The following KCNH5 variants were observed in gnomAD, a reference collection of about 807,000 sequenced individuals.
The protein encoded by KCNH5 is potassium voltage-gated channel subfamily H member 5.
Under a neutral mutation model 96.1 loss-of-function variants are expected in KCNH5, and 46 were observed. The observed-to-expected ratio is 0.48, with a 90% CI of 0.38 to 0.61. The LOEUF (loss-of-function observed/expected upper bound fraction) is 0.61, where lower values mean the gene tolerates loss of function less well. KCNH5 is among the 20% of genes least tolerant of loss of function. The pLI, the probability that KCNH5 is intolerant of heterozygous loss-of-function variation, is 0.00. For synonymous variants in KCNH5, 439 were observed against 449.8 expected, an observed-to-expected ratio of 0.98 and a Z score of 0.30; for missense variants, 907 against 1,225.8, an observed-to-expected ratio of 0.74 and a Z score of 3.88.
At chr14:62,773,590 C>A (rs1024101293) in intron 10 of KCNH5, among the ~76,000 whole-genome samples, 15 of 152,164 alleles carry the variant, frequency 9.9e-5, no homozygotes, top group Admixed American at 7.9e-4. Flanking sequence ...TGCCACACTT[C>A]AACAAAGTGT....
At chr14:62,822,149 C>A (rs561001196) in intron 8 of KCNH5, among the ~76,000 whole-genome samples, 3 of 152,116 alleles carry the variant, frequency 2.0e-5, no homozygotes, top group East Asian at 1.9e-4. Flanking sequence ...GAGAGATATA[C>A]CATGTTAATA....
intron 9 of KCNH5, among the ~76,000 whole-genome samples, chr14:62,786,219 A>G (rs1272723925): frequency 2.0e-5 from 3 of 152,136 alleles, no homozygotes; most frequent in Non-Finnish European, 4.4e-5. Flanking sequence ...ATAAATAAAA[A>G]TTACCACAGG....
intron 10 of KCNH5, among the ~76,000 whole-genome samples, chr14:62,747,310 G>A (rs1219381741): frequency 6.6e-6 from 1 of 151,956 alleles, no homozygotes; most frequent in Non-Finnish European, 1.5e-5. Flanking sequence ...ACTCCAGCCT[G>A]GGCAACAAGA....
intron 4 of KCNH5, 137 bp downstream of exon 4, chr14:63,001,194 A>G (rs1157972267): frequency 3.0e-6 from 2 of 675,222 alleles, no homozygotes; most frequent in Non-Finnish European, 4.7e-6. Context: ...TGAATAAAAC[A>G]GATTCCAAGC....
intron 8 of KCNH5, among the ~76,000 whole-genome samples, chr14:62,831,521 G>A (rs867669351): frequency 2.6e-5 from 4 of 152,014 alleles, no homozygotes; most frequent in Non-Finnish European, 5.9e-5. Flanking sequence ...TTATATTTCT[G>A]CATTTGAGAA....
At chr14:62,869,211 T>A (rs987377058) in intron 7 of KCNH5, among the ~76,000 whole-genome samples, 9 of 152,338 alleles carry the variant, frequency 5.9e-5, no homozygotes, top group African/African-American at 2.2e-4. Context: ...ATTTCCTTAC[T>A]TTTTAATGAT....
intron 10 of KCNH5, among the ~76,000 whole-genome samples, chr14:62,728,582 C>T (rs968383727): frequency 6.6e-6 from 1 of 152,070 alleles, no homozygotes; most frequent in Non-Finnish European, 1.5e-5. Context: ...TACTAAGCCA[C>T]GTGAAATGCT....
intron 7 of KCNH5, among the ~76,000 whole-genome samples, chr14:62,910,941 A>ACACACACACACAC (rs61033705): frequency 7.9e-4 from 111 of 140,876 alleles, no homozygotes; most frequent in African/African-American, 2.5e-3. Context: ...ACACACACAC[A>ACACACACACACAC]CCCCTCTGTT....
intron 10 of KCNH5, among the ~76,000 whole-genome samples, chr14:62,772,720 C>T (rs920235009): frequency 1.3e-5 from 2 of 151,190 alleles, no homozygotes; most frequent in African/African-American, 4.9e-5. Flanking sequence ...ACCAGTACAG[C>T]AGTATTGACA....
intron 6 of KCNH5, among the ~76,000 whole-genome samples, chr14:62,959,626 T>A (rs1409153448): frequency 2.6e-5 from 4 of 152,182 alleles, no homozygotes; most frequent in Non-Finnish European, 5.9e-5. Flanking sequence ...AAATTCTGAA[T>A]TCTGATGTTT....
chr14:62,878,775 A>G (rs1343053816), intron 7 of KCNH5, among the ~76,000 whole-genome samples: 1 of 152,148 alleles, frequency 6.6e-6, no homozygotes, highest in Non-Finnish European at 1.5e-5. Flanking sequence ...TTAAGATGTC[A>G]GCAGGGTTGG....
At chr14:62,983,547 G>A (rs987764166) in intron 5 of KCNH5, among the ~76,000 whole-genome samples, 3 of 151,960 alleles carry the variant, frequency 2.0e-5, no homozygotes, top group Non-Finnish European at 4.4e-5. Context: ...CTATAGACCC[G>A]TAAAAGTGTT....
chr14:62,744,272 T>C (rs914381315), intron 10 of KCNH5, among the ~76,000 whole-genome samples: 1 of 152,208 alleles, frequency 6.6e-6, no homozygotes, highest in African/African-American at 2.4e-5. Context: ...TAGCACATTA[T>C]CTAACTCCTC....
chr14:62,897,055 A>G (rs1158907486), intron 7 of KCNH5, among the ~76,000 whole-genome samples: 1 of 152,222 alleles, frequency 6.6e-6, no homozygotes, highest in East Asian at 1.9e-4. Context: ...AATGTAACTC[A>G]TGGTCACTGT....
At chr14:62,879,158 T>C (rs889658280) in intron 7 of KCNH5, among the ~76,000 whole-genome samples, 2 of 152,150 alleles carry the variant, frequency 1.3e-5, no homozygotes, top group African/African-American at 4.8e-5. Context: ...AAATCACATT[T>C]AGATACTACT....
chr14:62,986,747 A>G (rs1262958849), intron 5 of KCNH5, among the ~76,000 whole-genome samples: 1 of 152,152 alleles, frequency 6.6e-6, no homozygotes, highest in Admixed American at 6.6e-5. Context: ...CATCCTTTGC[A>G]GAGTGCCAAG....
chr14:63,003,565 A>G lies in KCNH5; in HGVS notation c.305-2106T>C, dbSNP rs1891062551. Among the ~76,000 whole-genome samples, 7 of 123,430 alleles carry G rather than the reference A, an allele frequency of 5.7e-5. No individual in the cohort carries two copies. In the South Asian group the frequency reaches 1.6e-3, roughly 28 times the overall value. 81.0% of individuals were successfully genotyped at this position (123,430 alleles called of 152,430 possible). ...ATTATATATAGTATATATTATATAT[A>G]TTTATATTTATATACATAATATATA... On this transcript the variant is annotated intron_variant, in intron 3 of 10. Transcript: ENST00000322893.
At chr14:62,950,012 C>A in intron 7 of KCNH5, 121 bp downstream of exon 7, 1 of 777,000 alleles carries the variant, frequency 1.3e-6, no homozygotes. Flanking sequence ...AAAACAATTG[C>A]AAATAAGATG....
intron 6 of KCNH5, among the ~76,000 whole-genome samples, chr14:62,964,059 T>G (rs921813370): frequency 6.6e-6 from 1 of 152,230 alleles, no homozygotes. Flanking sequence ...GTGAGATACA[T>G]GAAGAAGGAG....
Sources: allele counts gnomAD v4.1 joint callset (sites outside exome capture counted in the v4.1 genomes callset), GRCh38; gene constraint gnomAD v4.1.1; transcripts MANE v1.5; gene names NCBI Gene and HGNC (gene_info 2026-07-23, HGNC 2026-07-21).